PEG3: variants seen among roughly 807,000 people sequenced by gnomAD.
The protein encoded by PEG3 is paternally expressed 3.
A neutral mutation model predicts 35.5 loss-of-function variants in PEG3; 23 were observed. The observed-to-expected ratio is 0.65, with a 90% CI of 0.47 to 0.92. PEG3 has a LOEUF of 0.92. PEG3 is among the 40% of genes least tolerant of loss of function. PEG3 has a pLI of 0.00. For synonymous variants in PEG3, 707 were observed against 697.0 expected (o/e 1.01, Z -0.23); for missense variants, 1,960 against 1,985.3 (o/e 0.99, Z 0.24).
chr19:56,830,483 A>C (rs569526004), intron 2 of PEG3, among the ~76,000 whole-genome samples: 1 of 152,372 alleles, frequency 6.6e-6, no homozygotes, highest in Non-Finnish European at 1.5e-5. Flanking sequence ...AAATACATGC[A>C]AACAAGCATG....
chr19:56,834,885 G>C (rs558424339), intron 2 of PEG3, among the ~76,000 whole-genome samples: 1 of 152,228 alleles, frequency 6.6e-6, no homozygotes, highest in African/African-American at 2.4e-5. Flanking sequence ...TTCACTTCTG[G>C]AGACTCTAAG....
chr19:56,819,478 C>G (rs2060275012), intron 7 of PEG3, among the ~76,000 whole-genome samples: 1 of 152,172 alleles, frequency 6.6e-6, no homozygotes, highest in Non-Finnish European at 1.5e-5. Context: ...CTGACTAGAA[C>G]TGGTTTCAGG....
In PEG3 at chr19:56,824,756, G is replaced by A. The variant is rs961726487; in HGVS notation, c.-86-15C>T. On this transcript the variant is annotated splice_polypyrimidine_tract_variant and intron_variant, in intron 3 of 9. Transcript: ENST00000326441. ...TACTCAGGGACCTGTGGATCGTAAGGAGATATACACATGTCCCAGAAGTTG... is the reference window on the plus strand; with the variant it reads ...TACTCAGGGACCTGTGGATCGTAAGAAGATATACACATGTCCCAGAAGTTG... 2.8e-5 allele frequency: 32 copies of A among 1,140,040 alleles called. No homozygotes were observed. Among genetic ancestry groups the A allele is most frequent in the Non-Finnish European group, 2.5e-6 (2 of 796,228 alleles). 70.6% of individuals were successfully genotyped at this position (1,140,040 alleles called of 1,614,324 possible). A position where few individuals can be genotyped will look rare whatever the true frequency, so the allele number is the denominator to read the frequency against.
chr19:56,831,983 T>A (rs1043489544), intron 2 of PEG3, among the ~76,000 whole-genome samples: 5 of 152,202 alleles, frequency 3.3e-5, no homozygotes, highest in Non-Finnish European at 7.3e-5. Flanking sequence ...CATGATCTCA[T>A]GTATGTAAAA....
intron 1 of PEG3, 88 bp from the exon 2 acceptor site, chr19:56,836,192 A>G (rs1342425979): frequency 1.0e-5 from 4 of 393,296 alleles, no homozygotes; most frequent in Non-Finnish European, 2.1e-5. Flanking sequence ...ACAGTTCCAC[A>G]TTTATCTTCT....
intron 2 of PEG3, among the ~76,000 whole-genome samples, chr19:56,834,844 T>A (rs1322311052): frequency 6.6e-6 from 1 of 152,112 alleles, no homozygotes; most frequent in Non-Finnish European, 1.5e-5. Context: ...GAGTTTCCAT[T>A]CAGTAGACAC....
In PEG3 at chr19:56,812,924, A is replaced by G; in HGVS notation, c.*751T>C. On this transcript the variant is annotated 3_prime_UTR_variant, in exon 10 of 10. Transcript: ENST00000326441. ...AATCAATCTGGGTCACAAAAAGCCAATCCGTATATTGTAAAGCCTTACACA... is the reference window on the plus strand; with the variant it reads ...AATCAATCTGGGTCACAAAAAGCCAGTCCGTATATTGTAAAGCCTTACACA... 9 of 985,808 alleles carry G rather than the reference A, an allele frequency of 9.1e-6. No homozygotes were observed. The highest frequency in any genetic ancestry group is 1.1e-5 in the Non-Finnish European group (9 of 829,900). The allele number at this position is 985,808 out of a possible 1,614,324, so 61.1% of individuals were successfully genotyped here. A position where few individuals can be genotyped will look rare whatever the true frequency, so the allele number is the denominator to read the frequency against.
intron 6 of PEG3, chr19:56,822,530 C>A: frequency 4.3e-6 from 2 of 466,224 alleles, no homozygotes; most frequent in Non-Finnish European, 7.4e-6. Flanking sequence ...CTTAAGAATA[C>A]TGAGCAAATA....
rs1324071666 is a variant in PEG3 at position 56,811,643 on chromosome 19, C to CA, written c.*2031dup. On this transcript the variant is annotated 3_prime_UTR_variant, in exon 10 of 10. Coordinates refer to ENST00000326441, the MANE Select transcript of PEG3 (RefSeq NM_006210.3). ...CACCAAGTAATGTACCCACAAAGTT[C>CA]ACCCCGACATCAACACTGATTCTCG... is the stretch of plus-strand genomic sequence containing the variant. The CA allele has an allele frequency of 4.1e-5, 40 of 984,524 alleles. No homozygotes were observed. In the South Asian group the frequency reaches 1.7e-3, roughly 43 times the overall value. The allele number at this position is 984,524 out of a possible 1,614,324, so 61.0% of individuals were successfully genotyped here. A position where few individuals can be genotyped will look rare whatever the true frequency, so the allele number is the denominator to read the frequency against.
chr19:56,818,264 G>A (rs1336474826), intron 8 of PEG3, among the ~76,000 whole-genome samples: 2 of 152,114 alleles, frequency 1.3e-5, no homozygotes, highest in Non-Finnish European at 2.9e-5. Context: ...ATGTCTTCCA[G>A]GAAAGTCCAC....
intron 2 of PEG3, 52 bp from the exon 3 acceptor site, chr19:56,826,515 G>GT (rs1214130689): frequency 6.6e-6 from 1 of 152,228 alleles, no homozygotes; most frequent in East Asian, 1.9e-4. Flanking sequence ...TGAAAGACAT[G>GT]TAGAAGGAGT....
At position 56,813,020 on chromosome 19, in the gene PEG3, A is replaced by G; in HGVS notation, c.*655T>C. ...GAAGCTAAAGTACTTATCTTTTCAAACAGTAAGGAGTAAAAGCCATGTTAT... is the reference window on the plus strand; with the variant it reads ...GAAGCTAAAGTACTTATCTTTTCAAGCAGTAAGGAGTAAAAGCCATGTTAT... On this transcript the variant is annotated 3_prime_UTR_variant, in exon 10 of 10. Transcript: ENST00000326441. 4 of 985,722 alleles carry G rather than the reference A, an allele frequency of 4.1e-6. No individual in the cohort carries two copies. The highest frequency in any genetic ancestry group is 4.8e-6 in the Non-Finnish European group (4 of 829,830). 61.1% of individuals were successfully genotyped at this position (985,722 alleles called of 1,614,324 possible). A position where few individuals can be genotyped will look rare whatever the true frequency, so the allele number is the denominator to read the frequency against.
At chr19:56,833,643 C>G (rs1450162596) in intron 2 of PEG3, 1 of 174,904 alleles carries the variant, frequency 5.7e-6, no homozygotes, top group African/African-American at 2.4e-5. Flanking sequence ...ACGGAGCTAC[C>G]TTTCCAGGTG....
At position 56,811,370 on chromosome 19, in the gene PEG3, G is replaced by C; in HGVS notation, c.*2305C>G. 1 of 879,692 alleles carries C rather than the reference G, an allele frequency of 1.1e-6. No individual in the cohort carries two copies. The highest frequency in any genetic ancestry group is 1.4e-6 in the Non-Finnish European group (1 of 733,868). 54.5% of individuals were successfully genotyped at this position (879,692 alleles called of 1,614,324 possible). A position where few individuals can be genotyped will look rare whatever the true frequency, so the allele number is the denominator to read the frequency against. On this transcript the variant is annotated 3_prime_UTR_variant, in exon 10 of 10. Coordinates refer to ENST00000326441, the MANE Select transcript of PEG3 (RefSeq NM_006210.3). ...ATAAATGAACTGTTGAGTTATAACT[G>C]TAGTATAAATATACTTTCGTGTCCT...
rs1600870130 is a variant in PEG3, at chr19:56,813,343, T to TA, written c.*331dup. ...TATATACACCTCATGAAACACTATA[T>TA]ATACGTTACACAAGTGTCATTTACA... is the stretch of plus-strand genomic sequence containing the variant. On this transcript the variant is annotated 3_prime_UTR_variant, in exon 10 of 10. Coordinates refer to ENST00000326441, the MANE Select transcript of PEG3 (RefSeq NM_006210.3). The TA allele has an allele frequency of 1.9e-6, 2 of 1,074,850 alleles. No individual in the cohort carries two copies. Among genetic ancestry groups the TA allele is most frequent in the East Asian group, 1.2e-4 (2 of 17,156 alleles). The allele number at this position is 1,074,850 out of a possible 1,614,324, so 66.6% of individuals were successfully genotyped here. A position where few individuals can be genotyped will look rare whatever the true frequency, so the allele number is the denominator to read the frequency against.
In PEG3 at chr19:56,813,451, T is replaced by C. The variant is rs2059680734; in HGVS notation, c.*224A>G. 5 of 1,375,382 alleles carry C rather than the reference T, an allele frequency of 3.6e-6. No individual in the cohort carries two copies. Among genetic ancestry groups the C allele is most frequent in the African/African-American group, 1.4e-5 (1 of 69,036 alleles). 85.2% of individuals were successfully genotyped at this position (1,375,382 alleles called of 1,614,324 possible). On this transcript the variant is annotated 3_prime_UTR_variant, in exon 10 of 10. Coordinates refer to ENST00000326441, the MANE Select transcript of PEG3 (RefSeq NM_006210.3). The stretch of plus-strand genomic sequence containing the variant: ...ACTTGGAAAGGTAAGATGTGTGCTA[T>C]GGCTTTCCCACATGCAGACACTGAC...
At chr19:56,819,375 A>T (rs553246138) in intron 7 of PEG3, among the ~76,000 whole-genome samples, 116 of 152,280 alleles carry the variant, frequency 7.6e-4, no homozygotes, top group South Asian at 3.3e-3. Flanking sequence ...GTCTTAATGG[A>T]TATTTACCTA....
At position 56,824,514 on chromosome 19, in the gene PEG3, T is replaced by G; in HGVS notation, c.142A>C (p.Arg48=). 6.2e-7 allele frequency: 1 copy of G among 1,614,108 alleles called. No homozygotes were observed. Among genetic ancestry groups the G allele is most frequent in the Middle Eastern group, 1.7e-4 (1 of 6,058 alleles). ...TCCACATAGATTAGGTTCCGAAACC[T>G]CTGATGAAAAAACTCAGAGTCAGTT... The part of the protein sequence containing the change: ...GPTDSEFFHQ[R]FRNLIYVEFV... Residue 48 remains arginine, a synonymous_variant, in exon 4 of 10, where the codon AGG becomes CGG. Coordinates refer to ENST00000326441, the MANE Select transcript of PEG3 (RefSeq NM_006210.3).
chr19:56,814,392 A>T lies in PEG3; in HGVS notation c.4050T>A (p.His1350Gln), dbSNP rs200724308. 6.2e-7 allele frequency: 1 copy of T among 1,613,758 alleles called. No individual in the cohort carries two copies. The highest frequency in any genetic ancestry group is 8.5e-7 in the Non-Finnish European group (1 of 1,179,806). Residue 1350 changes from histidine (H) to glutamine (Q), a missense_variant, in exon 10 of 10, where the codon CAT becomes CAA. Coordinates refer to ENST00000326441, the MANE Select transcript of PEG3 (RefSeq NM_006210.3). This position sits in a 1 kb window ranked among gnomAD's most constrained non-coding sequence, Gnocchi z 5.8. ...SFIHSTVLTK[H>Q]KELHLEEEEE... is the part of the protein sequence containing the mutation. ...CTTCTTCTTCCAGATGAAGCTCCTT[A>T]TGTTTAGTGAGGACTGTGCTATGAA...
Sources: allele counts gnomAD v4.1 joint callset (sites outside exome capture counted in the v4.1 genomes callset), GRCh38; gene constraint gnomAD v4.1.1; non-coding constraint Gnocchi (gnomAD v3.1); transcripts MANE v1.5; gene names NCBI Gene and HGNC (gene_info 2026-07-23, HGNC 2026-07-21).